The following AOPEP variants were observed in gnomAD, a reference collection of about 807,000 sequenced individuals.
The protein encoded by AOPEP is aminopeptidase O (putative), also known as aminopeptidase O.
A neutral mutation model predicts 98.1 loss-of-function variants in AOPEP; 77 were observed. The observed-to-expected ratio is 0.78, with a 90% CI of 0.65 to 0.95. The LOEUF (loss-of-function observed/expected upper bound fraction) is 0.95, where lower values mean the gene tolerates loss of function less well. Ranked by LOEUF, AOPEP falls within the 40% of genes least tolerant of loss-of-function variation. The probability of loss-of-function intolerance (pLI) is 0.00; values close to 1 mark genes in which losing one functional copy is unlikely to be tolerated. For missense variants in AOPEP, 1,024 were observed against 1,024.7 expected (o/e 1.00, Z 0.01); for synonymous variants, 346 against 365.3 (o/e 0.95, Z 0.60).
intron 3 of AOPEP, among the ~76,000 whole-genome samples, chr9:94,779,854 A>C (rs2133106141): frequency 6.6e-6 from 1 of 152,252 alleles, no homozygotes; most frequent in Middle Eastern, 3.4e-3. Flanking sequence ...ATCTCCCTGT[A>C]AACTTTTGTT....
rs551892760 is a variant in AOPEP, at chr9:94,935,524, T to C, written c.1661+6993T>C. ...AAGAAGCATGGGTCACCCTCAGTTG[T>C]TCGCATCAGGCAGTGGACCCCCAGG... On this transcript the variant is annotated intron_variant, in intron 7 of 16. Transcript: ENST00000375315. Among the ~76,000 whole-genome samples the C allele has an allele frequency of 3.3e-5, 5 of 152,236 alleles. No individual in the cohort carries two copies. In the South Asian group the frequency reaches 1.0e-3, roughly 32 times the overall value.
At chr9:94,971,340 G>C (rs1441258355) in intron 10 of AOPEP, among the ~76,000 whole-genome samples, 1 of 152,066 alleles carries the variant, frequency 6.6e-6, no homozygotes, top group Non-Finnish European at 1.5e-5. Context: ...AAAAGCTAAG[G>C]AGATTTCATT....
chr9:95,093,253 G>A, the AOPEP span, among the ~76,000 whole-genome samples: 1 of 152,220 alleles, frequency 6.6e-6, no homozygotes, highest in Non-Finnish European at 1.5e-5. Flanking sequence ...CTGGCAGATG[G>A]AGGATGGGTC....
the AOPEP span, chr9:95,126,949 T>G: frequency 3.1e-5 from 9 of 289,114 alleles, no homozygotes; most frequent in Admixed American, 1.4e-4. Flanking sequence ...TGTGCCTGTG[T>G]GACCTCCTCA....
At chr9:94,765,544 GT>G (rs1272759314) in intron 2 of AOPEP, among the ~76,000 whole-genome samples, 2 of 150,792 alleles carry the variant, frequency 1.3e-5, no homozygotes, top group Non-Finnish European at 2.9e-5. Flanking sequence ...CGAGGCTGCA[GT>G]GGGTCATGTT....
intron 9 of AOPEP, among the ~76,000 whole-genome samples, chr9:94,960,840 G>A (rs181532106): frequency 1.5e-4 from 23 of 151,892 alleles, no homozygotes; most frequent in Admixed American, 1.3e-3. Flanking sequence ...GTGAAACCCC[G>A]TCTCTACTAA....
the AOPEP span, chr9:95,114,654 C>T: frequency 1.2e-6 from 2 of 1,614,164 alleles, no homozygotes; most frequent in Non-Finnish European, 8.5e-7. Flanking sequence ...TCAACTGCTT[C>T]TCTGAGCAGT....
At chr9:95,111,076 C>T in the AOPEP span, 1 of 1,506,948 alleles carries the variant, frequency 6.6e-7, no homozygotes, top group South Asian at 1.3e-5. Flanking sequence ...GGGAGCGAGA[C>T]AGGGCCCTGG....
intron 5 of AOPEP, among the ~76,000 whole-genome samples, chr9:94,871,844 A>G (rs1390088845): frequency 6.6e-6 from 1 of 152,106 alleles, no homozygotes; most frequent in Non-Finnish European, 1.5e-5. Flanking sequence ...CTGTCTCTAT[A>G]CAAAATACTA....
chr9:94,977,726 A>G (rs10993430), intron 10 of AOPEP, among the ~76,000 whole-genome samples: 11,555 of 152,138 alleles, frequency 0.076, 1,093 homozygotes, highest in African/African-American at 0.22. Flanking sequence ...GAAGCAGTGG[A>G]AGGCCCAGCG....
intron 13 of AOPEP, among the ~76,000 whole-genome samples, chr9:95,025,858 G>T (rs1426269126): frequency 1.3e-5 from 2 of 152,144 alleles, no homozygotes; most frequent in Non-Finnish European, 2.9e-5. Context: ...GATCATCACT[G>T]GACTCTGCCA....
chr9:94,825,053 C>T (rs968440102), intron 5 of AOPEP, among the ~76,000 whole-genome samples: 2 of 152,128 alleles, frequency 1.3e-5, no homozygotes, highest in African/African-American at 4.8e-5. Flanking sequence ...GCTTTGAAAA[C>T]AGGGCTGTTT....
At chr9:94,874,611 CT>C (rs988569071) in intron 5 of AOPEP, among the ~76,000 whole-genome samples, 8 of 151,972 alleles carry the variant, frequency 5.3e-5, no homozygotes, top group Admixed American at 4.6e-4. Context: ...TTCCCTTTTT[CT>C]TTTTTTAAAT....
the AOPEP span, among the ~76,000 whole-genome samples, chr9:95,141,489 A>G: frequency 6.6e-6 from 1 of 152,064 alleles, no homozygotes; most frequent in Non-Finnish European, 1.5e-5. Context: ...TGATTTGACA[A>G]CATTTAAATC....
At chr9:94,943,001 A>C (rs1269957368) in intron 7 of AOPEP, among the ~76,000 whole-genome samples, 1 of 152,146 alleles carries the variant, frequency 6.6e-6, no homozygotes, top group Non-Finnish European at 1.5e-5. Flanking sequence ...AAAAGCTAAA[A>C]TTATACAACA....
intron 5 of AOPEP, among the ~76,000 whole-genome samples, chr9:94,921,741 C>T (rs548987157): frequency 6.6e-6 from 1 of 152,300 alleles, no homozygotes; most frequent in African/African-American, 2.4e-5. Flanking sequence ...GAGGGCCAAA[C>T]GGGCCCCGGA....
chr9:94,852,527 A>G (rs915511486), intron 5 of AOPEP, among the ~76,000 whole-genome samples: 2 of 152,186 alleles, frequency 1.3e-5, no homozygotes, highest in African/African-American at 4.8e-5. Flanking sequence ...GTGGGATCGG[A>G]TATCATGACA....
At chr9:95,083,733 G>A (rs566743975) in intron 16 of AOPEP, among the ~76,000 whole-genome samples, 7 of 152,208 alleles carry the variant, frequency 4.6e-5, no homozygotes, top group African/African-American at 9.6e-5. Context: ...CACAGTGCAC[G>A]CACCACACAG....
chr9:95,057,461 T>C (rs1871220), intron 13 of AOPEP, among the ~76,000 whole-genome samples: 138,487 of 152,314 alleles, frequency 0.91, 63,548 homozygotes, highest in Non-Finnish European at 0.97. Context: ...GTCTCTTTCA[T>C]TTGCTTTACA....
Sources: gnomAD v4.1 joint callset for allele counts (sites outside exome capture counted in the v4.1 genomes callset) on GRCh38, gnomAD v4.1.1 for gene constraint, MANE v1.5 for transcripts, NCBI Gene and HGNC (gene_info 2026-07-23, HGNC 2026-07-21) for gene names.